TTC39A: variants seen among roughly 807,000 people sequenced by gnomAD.
TTC39A encodes the protein tetratricopeptide repeat domain 39A, also known as tetratricopeptide repeat protein 39A.
In TTC39A, 46 loss-of-function variants were observed where a neutral mutation model predicts 82.3. The ratio of observed to expected loss-of-function variants is 0.56; its 90% CI spans 0.44 to 0.71. TTC39A has a LOEUF of 0.71. Among genes scored for constraint, TTC39A ranks in the 30% least tolerant of loss-of-function variants. The pLI is 0.00. For synonymous variants in TTC39A, 254 were observed against 275.2 expected (o/e 0.92, Z 0.76); for missense variants, 543 against 712.9 (o/e 0.76, Z 2.71).
At chr1:51,325,106 T>G (rs989178083) in intron 1 of TTC39A, among the ~76,000 whole-genome samples, 1 of 151,940 alleles carries the variant, frequency 6.6e-6, no homozygotes, top group Non-Finnish European at 1.5e-5. Context: ...AATACAATAT[T>G]AACTGGGCGT....
Position 51,330,299 on chromosome 1 carries a change from G to C in TTC39A, c.41+138C>G, listed in dbSNP as rs1423459741. ...CTGGCAGCGGCGGCGGCTGCCAGGG[G>C]CCGGGCGGGGTGGGGGCTGGAAGCC... On this transcript the variant is annotated intron_variant, in intron 1 of 17. Coordinates refer to ENST00000680483, the MANE Select transcript of TTC39A (RefSeq NM_001297663.2). The surrounding 1 kb of genome is among the most constrained non-coding windows in gnomAD (Gnocchi z 4.5). The C allele has an allele frequency of 1.1e-6, 1 of 937,350 alleles. No homozygotes were observed. Among genetic ancestry groups the C allele is most frequent in the Non-Finnish European group, 1.3e-6 (1 of 786,854 alleles). 58.1% of individuals were successfully genotyped at this position (937,350 alleles called of 1,614,324 possible).
chr1:51,318,498 C>T (rs910124102), intron 2 of TTC39A, among the ~76,000 whole-genome samples: 4 of 152,146 alleles, frequency 2.6e-5, no homozygotes, highest in African/African-American at 9.7e-5. Flanking sequence ...GGAACACCCA[C>T]CCCACCCCAG....
chr1:51,302,674 C>G (rs544007158), intron 9 of TTC39A, 101 bp from the exon 10 acceptor site: 51 of 1,283,728 alleles, frequency 4.0e-5, no homozygotes, highest in Middle Eastern at 2.4e-4. Context: ...TCCCCCTCCC[C>G]CTCTGTGAAA....
Position 51,311,239 on chromosome 1 carries a change from AGTGGG to A in TTC39A, c.423+10_423+14del. The A allele has an allele frequency of 6.4e-7, 1 of 1,570,092 alleles. No individual in the cohort carries two copies. Among genetic ancestry groups the A allele is most frequent in the Non-Finnish European group, 8.6e-7 (1 of 1,157,324 alleles). ...TCTGAAATCCCAGCCTCTTTGTACA[AGTGGG>A]GGTCCCTACCTGCAGGAAGGTCAGG... is the stretch of plus-strand genomic sequence containing the variant. On this transcript the variant is annotated intron_variant, in intron 5 of 17. Transcript: ENST00000680483.
chr1:51,313,068 G>C, intron 2 of TTC39A, 125 bp from the exon 3 acceptor site: 1 of 1,325,672 alleles, frequency 7.5e-7, no homozygotes, highest in East Asian at 2.4e-5. Context: ...GTCCAGGCAC[G>C]GGGAGGGCCT....
intron 1 of TTC39A, among the ~76,000 whole-genome samples, chr1:51,338,960 C>A (rs567234575): frequency 6.6e-5 from 10 of 152,176 alleles, no homozygotes; most frequent in Admixed American, 2.0e-4. Context: ...TTTGGTACAC[C>A]TTTCAATCAC....
intron 9 of TTC39A, 58 bp downstream of exon 9, chr1:51,303,026 C>G: frequency 2.0e-6 from 3 of 1,464,880 alleles, no homozygotes; most frequent in Non-Finnish European, 2.8e-6. Context: ...GCCCCTCGTT[C>G]TCCTTCCCCC....
At chr1:51,326,194 G>T (rs1242972156) in intron 1 of TTC39A, among the ~76,000 whole-genome samples, 2 of 152,186 alleles carry the variant, frequency 1.3e-5, no homozygotes, top group African/African-American at 2.4e-5. Flanking sequence ...ATCACTGGGG[G>T]CCAAAGGGGC....
intron 1 of TTC39A, among the ~76,000 whole-genome samples, chr1:51,324,031 C>T (rs1448522469): frequency 1.3e-5 from 2 of 152,140 alleles, no homozygotes; most frequent in Non-Finnish European, 2.9e-5. Context: ...GTCCAGGTTC[C>T]CAGGGGAACT....
chr1:51,296,029 C>A (rs1318483147), intron 13 of TTC39A, 50 bp downstream of exon 13: 14 of 1,544,432 alleles, frequency 9.1e-6, no homozygotes, highest in Non-Finnish European at 1.2e-5. Flanking sequence ...TCCATAGCGG[C>A]CTACACGGTG....
At chr1:51,333,081 G>A (rs1234585432), upstream of TTC39A, among the ~76,000 whole-genome samples, 3 of 151,856 alleles carry the variant, frequency 2.0e-5, no homozygotes, top group East Asian at 1.9e-4. Flanking sequence ...GCATGGTGGC[G>A]CACGCCTGTA....
chr1:51,289,939 G>A, intron 16 of TTC39A, 66 bp downstream of exon 16: 1 of 1,386,768 alleles, frequency 7.2e-7, no homozygotes. Context: ...GCATGAGGAT[G>A]GAGAAGCCCT....
At chr1:51,297,903 G>C (rs1644501644) in intron 12 of TTC39A, 1 of 152,506 alleles carries the variant, frequency 6.6e-6, no homozygotes, top group Non-Finnish European at 1.5e-5. Context: ...GCCACACGAC[G>C]GCCTCAGGGC....
intron 14 of TTC39A, among the ~76,000 whole-genome samples, chr1:51,291,675 G>A (rs1644227896): frequency 6.7e-6 from 1 of 148,494 alleles, no homozygotes; most frequent in East Asian, 2.0e-4. Context: ...GCATGGTGGT[G>A]CAAGCCTGGG....
chr1:51,308,695 C>T (rs535197574), intron 6 of TTC39A, among the ~76,000 whole-genome samples: 108 of 152,326 alleles, frequency 7.1e-4, no homozygotes, highest in Non-Finnish European at 1.1e-3. Context: ...TTCATAAACA[C>T]GGCCTGTGCC....
At chr1:51,319,114 C>T (rs1645398948) in intron 2 of TTC39A, among the ~76,000 whole-genome samples, 1 of 151,964 alleles carries the variant, frequency 6.6e-6, no homozygotes, top group Admixed American at 6.6e-5. Context: ...AGGCACTGTC[C>T]TAAGGGCCTC....
At chr1:51,298,094 C>T (rs1644510719) in intron 12 of TTC39A, 1 of 152,574 alleles carries the variant, frequency 6.6e-6, no homozygotes, top group African/African-American at 2.4e-5. Context: ...TGCATCCAGC[C>T]TCGCTTGTTC....
intron 1 of TTC39A, among the ~76,000 whole-genome samples, chr1:51,341,981 C>T (rs910523710): frequency 2.0e-5 from 3 of 152,228 alleles, no homozygotes; most frequent in African/African-American, 7.2e-5. Flanking sequence ...CCTCCAGCCT[C>T]CTTGGCTGGG....
intron 2 of TTC39A, among the ~76,000 whole-genome samples, chr1:51,318,077 C>T (rs2148260677): frequency 6.6e-6 from 1 of 152,324 alleles, no homozygotes; most frequent in Admixed American, 6.5e-5. Context: ...TTTCGACTCC[C>T]TTCTGTTGGC....
Sources: allele counts gnomAD v4.1 joint callset (sites outside exome capture counted in the v4.1 genomes callset), GRCh38; gene constraint gnomAD v4.1.1; non-coding constraint Gnocchi (gnomAD v3.1); transcripts MANE v1.5; gene names NCBI Gene and HGNC (gene_info 2026-07-23, HGNC 2026-07-21).